Variants in NCKAP5 observed in about 807,000 individuals in gnomAD.
The protein encoded by NCKAP5 is NCK associated protein 5, also known as nck-associated protein 5.
In NCKAP5, 92 loss-of-function variants were observed where a neutral mutation model predicts 167.0. The ratio of observed to expected loss-of-function variants is 0.55; its 90% CI spans 0.47 to 0.66. The LOEUF (loss-of-function observed/expected upper bound fraction) is 0.66, where lower values mean the gene tolerates loss of function less well. NCKAP5 is among the 30% of genes least tolerant of loss of function. NCKAP5 has a pLI of 0.00. For synonymous variants in NCKAP5, 891 were observed against 877.4 expected, an observed-to-expected ratio of 1.02 and a Z score of -0.27; for missense variants, 2,378 against 2,315.0, an observed-to-expected ratio of 1.03 and a Z score of -0.56.
At chr2:132,898,734 G>A (rs1444307133) in intron 8 of NCKAP5, among the ~76,000 whole-genome samples, 1 of 152,146 alleles carries the variant, frequency 6.6e-6, no homozygotes, top group Non-Finnish European at 1.5e-5. Flanking sequence ...AGTAATATTT[G>A]GAAAGGGATA....
chr2:133,363,120 T>C (rs558772307), intron 3 of NCKAP5, among the ~76,000 whole-genome samples: 4 of 152,214 alleles, frequency 2.6e-5, no homozygotes, highest in African/African-American at 4.8e-5. Flanking sequence ...GGGGACTAGA[T>C]GATCATTTTG....
chr2:133,290,900 A>C (rs1014015847), intron 4 of NCKAP5, among the ~76,000 whole-genome samples: 39 of 151,510 alleles, frequency 2.6e-4, no homozygotes, highest in Admixed American at 2.0e-4. Context: ...ACCCAGGAGC[A>C]CTCACCACTT....
At chr2:132,778,203 G>C (rs2104993108) in intron 15 of NCKAP5, among the ~76,000 whole-genome samples, 1 of 152,022 alleles carries the variant, frequency 6.6e-6, no homozygotes, top group Middle Eastern at 3.4e-3. Flanking sequence ...TTAAATAAAA[G>C]TACCAAGTAA....
intron 3 of NCKAP5, among the ~76,000 whole-genome samples, chr2:133,388,108 A>T (rs1013355950): frequency 2.0e-5 from 3 of 152,192 alleles, no homozygotes; most frequent in African/African-American, 7.2e-5. Flanking sequence ...CTTTGGAGGA[A>T]GAGAGGTGCT....
At chr2:132,853,420 C>T (rs764172900) in intron 11 of NCKAP5, among the ~76,000 whole-genome samples, 6 of 152,108 alleles carry the variant, frequency 3.9e-5, no homozygotes, top group Non-Finnish European at 5.9e-5. Flanking sequence ...ATCTGATCTC[C>T]GAGCATGAGA....
At chr2:133,572,347 C>T (rs1688896843), upstream of NCKAP5, among the ~76,000 whole-genome samples, 1 of 152,210 alleles carries the variant, frequency 6.6e-6, no homozygotes, top group Non-Finnish European at 1.5e-5. Context: ...AACCGCAAAC[C>T]CATGTGACTT....
intron 8 of NCKAP5, among the ~76,000 whole-genome samples, chr2:132,944,769 C>A (rs1015063030): frequency 2.0e-5 from 3 of 152,146 alleles, no homozygotes; most frequent in African/African-American, 7.2e-5. Context: ...GTAGAGCTAT[C>A]TTTATATAAA....
chr2:133,336,341 G>A (rs950024592), intron 3 of NCKAP5, among the ~76,000 whole-genome samples: 5 of 152,128 alleles, frequency 3.3e-5, no homozygotes, highest in Admixed American at 2.0e-4. Flanking sequence ...CGGCTAAGTT[G>A]GGAATCAATC....
intron 5 of NCKAP5, among the ~76,000 whole-genome samples, chr2:133,153,181 T>C (rs1229368618): frequency 6.6e-6 from 1 of 152,210 alleles, no homozygotes; most frequent in East Asian, 1.9e-4. Context: ...CAGAAACTAT[T>C]CTGTATGCTA....
chr2:133,108,192 T>C (rs2081780920), intron 6 of NCKAP5, among the ~76,000 whole-genome samples: 1 of 152,156 alleles, frequency 6.6e-6, no homozygotes, highest in Admixed American at 6.5e-5. Context: ...TCTGCCCTAA[T>C]CAGAGAAGCC....
chr2:132,732,233 A>T (rs374451766), intron 16 of NCKAP5, among the ~76,000 whole-genome samples, 182 bp from the exon 17 acceptor site: 1 of 146,374 alleles, frequency 6.8e-6, no homozygotes. Flanking sequence ...ATAGGTGGGA[A>T]TTGAACAATG....
chr2:133,107,474 C>A (rs749404719), intron 6 of NCKAP5, among the ~76,000 whole-genome samples: 4 of 152,190 alleles, frequency 2.6e-5, no homozygotes, highest in African/African-American at 4.8e-5. Flanking sequence ...AATGTAAATA[C>A]ATGTGTTAAT....
the NCKAP5 span, among the ~76,000 whole-genome samples, chr2:133,647,780 A>G: frequency 6.6e-6 from 1 of 151,666 alleles, no homozygotes; most frequent in Non-Finnish European, 1.5e-5. Flanking sequence ...GAAAAGAAAA[A>G]AAAGAAAAGA....
chr2:132,915,924 T>C (rs1219096797), intron 8 of NCKAP5, among the ~76,000 whole-genome samples: 1 of 151,924 alleles, frequency 6.6e-6, no homozygotes, highest in African/African-American at 2.4e-5. Context: ...ACAGATAAAA[T>C]ACCCAACACT....
intron 19 of NCKAP5, among the ~76,000 whole-genome samples, chr2:132,706,196 G>GAGA (rs766895633): frequency 7.2e-5 from 11 of 152,088 alleles, no homozygotes; most frequent in Non-Finnish European, 1.5e-4. Flanking sequence ...TCCTCTGATA[G>GAGA]AGTCAGGTAT....
intron 4 of NCKAP5, among the ~76,000 whole-genome samples, chr2:133,231,704 G>A (rs1207738184): frequency 1.3e-5 from 2 of 151,872 alleles, no homozygotes; most frequent in South Asian, 2.1e-4. Flanking sequence ...AAATACTAAC[G>A]GTACCTATGA....
intron 8 of NCKAP5, among the ~76,000 whole-genome samples, chr2:132,905,678 T>C (rs1693953032): frequency 6.6e-6 from 1 of 152,226 alleles, no homozygotes; most frequent in Non-Finnish European, 1.5e-5. Context: ...ATTTTAAAAA[T>C]AGTATTTTAT....
intron 8 of NCKAP5, among the ~76,000 whole-genome samples, chr2:132,883,032 AAAAAT>A (rs536148857): frequency 3.7e-4 from 56 of 152,100 alleles, no homozygotes; most frequent in Admixed American, 1.7e-3. Context: ...CATCTCTACT[AAAAAT>A]AAAATAAAAT....
chr2:132,831,871 C>T (rs1687545165), intron 11 of NCKAP5, among the ~76,000 whole-genome samples: 1 of 152,026 alleles, frequency 6.6e-6, no homozygotes, highest in South Asian at 2.1e-4. Flanking sequence ...AGGGAATTTA[C>T]TTGTGCTTAT....
Sources: gnomAD v4.1 joint callset for allele counts (sites outside exome capture counted in the v4.1 genomes callset) on GRCh38, gnomAD v4.1.1 for gene constraint, MANE v1.5 for transcripts, NCBI Gene and HGNC (gene_info 2026-07-23, HGNC 2026-07-21) for gene names.